Variants in ZSWIM5 observed in about 807,000 individuals in gnomAD.
ZSWIM5 encodes the protein zinc finger SWIM domain-containing protein 5.
Under a neutral mutation model 119.6 loss-of-function variants are expected in ZSWIM5, and 55 were observed. The ratio of observed to expected loss-of-function variants is 0.46; its 90% CI spans 0.37 to 0.58. ZSWIM5 has a LOEUF of 0.58. Among genes scored for constraint, ZSWIM5 ranks in the 20% least tolerant of loss-of-function variants. The pLI is 0.00. For missense variants in ZSWIM5, 1,193 were observed against 1,512.8 expected, an observed-to-expected ratio of 0.79 and a Z score of 3.51; for synonymous variants, 537 against 606.9, an observed-to-expected ratio of 0.88 and a Z score of 1.69.
intron 1 of ZSWIM5, among the ~76,000 whole-genome samples, chr1:45,095,026 TATC>T (rs1645391855): frequency 1.3e-5 from 2 of 152,170 alleles, no homozygotes; most frequent in South Asian, 4.1e-4. Flanking sequence ...ATCCCACAAA[TATC>T]ATTTCATTGG....
intron 1 of ZSWIM5, among the ~76,000 whole-genome samples, chr1:45,193,955 T>TATAC (rs1553202842): frequency 3.9e-4 from 59 of 151,780 alleles, no homozygotes; most frequent in African/African-American, 1.4e-3. Context: ...TATATATATA[T>TATAC]ACATACATGC....
intron 3 of ZSWIM5, among the ~76,000 whole-genome samples, chr1:45,058,975 G>A (rs1487130031): frequency 6.6e-6 from 1 of 152,120 alleles, no homozygotes; most frequent in Non-Finnish European, 1.5e-5. Flanking sequence ...CCACTAGGAT[G>A]GCTAGAATTA....
At chr1:45,168,326 G>C (rs1227707705) in intron 1 of ZSWIM5, among the ~76,000 whole-genome samples, 1 of 151,864 alleles carries the variant, frequency 6.6e-6, no homozygotes, top group Non-Finnish European at 1.5e-5. Flanking sequence ...GCCTGTCGTG[G>C]GCTGGGGCAA....
At chr1:45,087,307 C>A (rs539991296) in intron 2 of ZSWIM5, among the ~76,000 whole-genome samples, 2 of 152,282 alleles carry the variant, frequency 1.3e-5, no homozygotes, top group African/African-American at 2.4e-5. Context: ...ACTTTAAGAA[C>A]CATGTCTGTT....
chr1:45,187,805 AAAG>A (rs1646068144), intron 1 of ZSWIM5, among the ~76,000 whole-genome samples: 1 of 152,190 alleles, frequency 6.6e-6, no homozygotes, highest in Non-Finnish European at 1.5e-5. Flanking sequence ...ATTTTTTTCC[AAAG>A]AAGTTATACA....
chr1:45,186,655 G>C (rs1570198772), intron 1 of ZSWIM5, among the ~76,000 whole-genome samples: 1 of 152,098 alleles, frequency 6.6e-6, no homozygotes, highest in Admixed American at 6.6e-5. Flanking sequence ...ACCGAGGCTA[G>C]AGTGCAGTGG....
chr1:45,156,722 A>T, intron 1 of ZSWIM5, among the ~76,000 whole-genome samples: 1 of 131,966 alleles, frequency 7.6e-6, no homozygotes, highest in South Asian at 2.3e-4. Flanking sequence ...GTGGGAAGTT[A>T]AAAAAAAAAA....
At chr1:45,177,088 G>C (rs934294192) in intron 1 of ZSWIM5, among the ~76,000 whole-genome samples, 3 of 152,216 alleles carry the variant, frequency 2.0e-5, no homozygotes, top group East Asian at 1.9e-4. Flanking sequence ...AGGAACTAGA[G>C]AGAGGAGGGA....
In ZSWIM5 at chr1:45,206,523, G is replaced by T. The variant is rs1304223181; in HGVS notation, c.-173C>A. The T allele has an allele frequency of 9.5e-7, 1 of 1,052,544 alleles. No individual in the cohort carries two copies. Among genetic ancestry groups the T allele is most frequent in the African/African-American group, 1.7e-5 (1 of 58,726 alleles). The allele number at this position is 1,052,544 out of a possible 1,614,324, so 65.2% of individuals were successfully genotyped here. On this transcript the variant is annotated 5_prime_UTR_variant, in exon 1 of 14. Coordinates refer to ENST00000359600, the MANE Select transcript of ZSWIM5 (RefSeq NM_020883.2). ...TGGGGAACCGCGGCCGGGCCCGGGAGCGCGCCGCGAGGGCAGACGCGGGCG... is the reference window on the plus strand; with the variant it reads ...TGGGGAACCGCGGCCGGGCCCGGGATCGCGCCGCGAGGGCAGACGCGGGCG...
intron 1 of ZSWIM5, among the ~76,000 whole-genome samples, chr1:45,179,256 A>C (rs1288711898): frequency 6.6e-6 from 1 of 152,152 alleles, no homozygotes; most frequent in Non-Finnish European, 1.5e-5. Flanking sequence ...CATGGTACAT[A>C]TACACCATGG....
At chr1:45,203,355 TTTC>T (rs1435028245) in intron 1 of ZSWIM5, among the ~76,000 whole-genome samples, 2 of 151,992 alleles carry the variant, frequency 1.3e-5, no homozygotes, top group Non-Finnish European at 2.9e-5. Context: ...TTGTTTGTGC[TTTC>T]TTTTTTCATT....
chr1:45,055,695 A>G (rs566863931), intron 4 of ZSWIM5, among the ~76,000 whole-genome samples: 1 of 152,206 alleles, frequency 6.6e-6, no homozygotes, highest in Non-Finnish European at 1.5e-5. Context: ...CGTAAACAGG[A>G]AAGTGGATGC....
intron 1 of ZSWIM5, among the ~76,000 whole-genome samples, chr1:45,133,073 T>C (rs1215431154): frequency 1.3e-5 from 2 of 152,334 alleles, no homozygotes; most frequent in Admixed American, 6.5e-5. Flanking sequence ...ACAATAAACA[T>C]ATGTGTGCAT....
At chr1:45,054,117 A>C (rs1645106851) in intron 4 of ZSWIM5, among the ~76,000 whole-genome samples, 1 of 152,060 alleles carries the variant, frequency 6.6e-6, no homozygotes, top group African/African-American at 2.4e-5. Flanking sequence ...CTACCTCTAC[A>C]AAAAATTAGA....
At chr1:45,094,669 C>G (rs1421763794) in intron 1 of ZSWIM5, among the ~76,000 whole-genome samples, 2 of 152,004 alleles carry the variant, frequency 1.3e-5, no homozygotes, top group East Asian at 3.9e-4. Context: ...TCAAGACCAG[C>G]CTGGCAACAT....
At chr1:45,127,115 C>T (rs970276319) in intron 1 of ZSWIM5, among the ~76,000 whole-genome samples, 1 of 152,084 alleles carries the variant, frequency 6.6e-6, no homozygotes, top group African/African-American at 2.4e-5. Context: ...AAATCCTTAA[C>T]AAAACATGAG....
intron 1 of ZSWIM5, among the ~76,000 whole-genome samples, chr1:45,139,454 C>G (rs1384893737): frequency 1.5e-5 from 2 of 132,424 alleles, no homozygotes; most frequent in African/African-American, 5.6e-5. Context: ...TCTCCCTCCC[C>G]TCTCCCTCCC....
At position 45,020,616 on chromosome 1, in the gene ZSWIM5, C is replaced by G; in HGVS notation, c.2613+9G>C. ...TCTAAACTGTGGATGGCCTACTCTT[C>G]CTCCATACCTGTAACCCAAGTTCCA... is the stretch of plus-strand genomic sequence containing the variant. On this transcript the variant is annotated intron_variant, in intron 12 of 13. Transcript: ENST00000359600. The G allele has an allele frequency of 6.2e-7, 1 of 1,612,616 alleles. No individual in the cohort carries two copies. Among genetic ancestry groups the G allele is most frequent in the Non-Finnish European group, 8.5e-7 (1 of 1,179,524 alleles).
chr1:45,075,840 T>G (rs1001418807), intron 2 of ZSWIM5, among the ~76,000 whole-genome samples: 3 of 151,866 alleles, frequency 2.0e-5, no homozygotes, highest in African/African-American at 7.3e-5. Context: ...GTGATATGAT[T>G]TAGTTTCTTA....
Sources: gnomAD v4.1 joint callset for allele counts (sites outside exome capture counted in the v4.1 genomes callset) on GRCh38, gnomAD v4.1.1 for gene constraint, MANE v1.5 for transcripts, NCBI Gene and HGNC (gene_info 2026-07-23, HGNC 2026-07-21) for gene names.